ZNF37A: variants seen among roughly 807,000 people sequenced by gnomAD.
ZNF37A encodes the protein zinc finger protein 37a (KOX 21).
In ZNF37A, 10 loss-of-function variants were observed where a neutral mutation model predicts 12.3. The observed-to-expected ratio is 0.82, with a 90% CI of 0.50 to 1.38. The LOEUF is 1.38. ZNF37A is among the 40% of genes most tolerant of loss of function. The probability of loss-of-function intolerance (pLI) is 0.00; values close to 1 mark genes in which losing one functional copy is unlikely to be tolerated. For missense variants in ZNF37A, 580 were observed against 651.2 expected (o/e 0.89, Z 1.19); for synonymous variants, 207 against 223.0 (o/e 0.93, Z 0.64).
At position 38,146,813 on chromosome 10, in the gene ZNF37A, G is replaced by A. The variant is rs760145429; in HGVS notation, c.320G>A (p.Arg107Gln). Residue 107 changes from arginine to glutamine, a missense_variant, in exon 8 of 8, where the codon CGG (arginine) becomes CAG (glutamine). Transcript: ENST00000638053. ...TCGGTCGTGGAGACTCCAACCGAGC[G>A]GCACTAGAGGAATGAAGACAAAGAC... The A allele has an allele frequency of 1.7e-4, 66 of 398,236 alleles. No individual in the cohort carries two copies. In the East Asian group the frequency reaches 2.1e-3, roughly 13 times the overall value. The allele number at this position is 398,236 out of a possible 1,614,324, so 24.7% of individuals were successfully genotyped here.
chr10:38,104,700 G>A (rs1189540503), intron 5 of ZNF37A, among the ~76,000 whole-genome samples: 1 of 152,028 alleles, frequency 6.6e-6, no homozygotes, highest in African/African-American at 2.4e-5. Flanking sequence ...AGATCTGGGT[G>A]CTTATTGCTA....
Position 38,120,406 on chromosome 10 carries a change from G to C in ZNF37A, c.*1569G>C, listed in dbSNP as rs2069625040. 2 of 150,482 alleles carry C rather than the reference G, an allele frequency of 1.3e-5. No individual in the cohort carries two copies. The highest frequency in any genetic ancestry group is 4.9e-5 in the African/African-American group (2 of 40,740). 9.3% of individuals were successfully genotyped at this position (150,482 alleles called of 1,614,324 possible). ...ATCATGCCACTGCACTCCAGCCTGAGTGACAGAGAGAGATTCAAAAAACAA... is the reference window on the plus strand; with the variant it reads ...ATCATGCCACTGCACTCCAGCCTGACTGACAGAGAGAGATTCAAAAAACAA... On this transcript the variant is annotated 3_prime_UTR_variant, in exon 8 of 8. Coordinates refer to ENST00000685332, the MANE Select transcript of ZNF37A (RefSeq NM_001324250.3).
downstream of ZNF37A, among the ~76,000 whole-genome samples, chr10:38,129,304 T>TAAAAGAAAAAAAAAAAAAAAA (rs2069977748): frequency 1.8e-5 from 1 of 56,900 alleles, no homozygotes; most frequent in Non-Finnish European, 3.7e-5. Context: ...AGACTCTGTC[T>TAAAAGAAAAAAAAAAAAAAAA]AAAAAAAAAA....
At chr10:38,109,227 T>C (rs1179840413) in intron 5 of ZNF37A, among the ~76,000 whole-genome samples, 4 of 152,036 alleles carry the variant, frequency 2.6e-5, no homozygotes, top group Admixed American at 1.3e-4. Flanking sequence ...ACAGAATCAA[T>C]GACAAAAACT....
chr10:38,130,899 A>G (rs979140813), intron 7 of ZNF37A, among the ~76,000 whole-genome samples: 1 of 152,174 alleles, frequency 6.6e-6, no homozygotes, highest in Non-Finnish European at 1.5e-5. Flanking sequence ...ACATCTTACT[A>G]AGTAGAAAGG....
intron 7 of ZNF37A, chr10:38,141,282 C>T (rs528343114): frequency 4.5e-4 from 68 of 152,284 alleles, no homozygotes; most frequent in African/African-American, 1.6e-3. Flanking sequence ...AAAATAACCT[C>T]GCAGAGGAGC....
intron 5 of ZNF37A, among the ~76,000 whole-genome samples, chr10:38,109,066 T>C (rs990211094): frequency 2.6e-5 from 4 of 152,134 alleles, no homozygotes; most frequent in Non-Finnish European, 5.9e-5. Flanking sequence ...CTGATGAACA[T>C]TGACACAAAA....
intron 7 of ZNF37A, chr10:38,143,544 T>C (rs2070214206): frequency 6.6e-6 from 1 of 152,178 alleles, no homozygotes; most frequent in Non-Finnish European, 1.5e-5. Flanking sequence ...CTCTCCTGAT[T>C]GTGAAGTCTA....
Position 38,118,448 on chromosome 10 carries a change from C to A in ZNF37A, c.1297C>A (p.His433Asn). ...KSTLTKHLRT[H>N]TGEKPYECIQ... is the part of the protein sequence containing the mutation. ...AACCCTTACTAAACATCTAAGAACT[C>A]ACACAGGTGAGAAACCTTATGAATG... Residue 433 changes from histidine (H) to asparagine (N), a missense_variant, in exon 8 of 8, where the codon CAC (histidine) becomes AAC (asparagine). Transcript: ENST00000685332. The A allele has an allele frequency of 6.2e-7, 1 of 1,614,012 alleles. No individual in the cohort carries two copies. The highest frequency in any genetic ancestry group is 8.5e-7 in the Non-Finnish European group (1 of 1,179,988).
chr10:38,119,040 G>GA lies in ZNF37A; in HGVS notation c.*209dup. The stretch of plus-strand genomic sequence containing the variant: ...ACACTATGTTACAAAACTAAAAGTG[G>GA]AAAAAACTTATTGGTGAATGAATAT... On this transcript the variant is annotated 3_prime_UTR_variant, in exon 8 of 8. Coordinates refer to ENST00000685332, the MANE Select transcript of ZNF37A (RefSeq NM_001324250.3). 7.9e-7 allele frequency: 1 copy of GA among 1,258,650 alleles called. No individual in the cohort carries two copies. The allele number at this position is 1,258,650 out of a possible 1,614,324, so 78.0% of individuals were successfully genotyped here. A position where few individuals can be genotyped will look rare whatever the true frequency, so the allele number is the denominator to read the frequency against.
chr10:38,143,244 T>C (rs2070208249), intron 7 of ZNF37A: 1 of 152,202 alleles, frequency 6.6e-6, no homozygotes, highest in Admixed American at 6.6e-5. Flanking sequence ...AGCTGTATTT[T>C]AAGGTGATTG....
Position 38,121,329 on chromosome 10 carries a change from G to A in ZNF37A, c.*2492G>A, listed in dbSNP as rs2136053309. ...ATAAACTATATCATCACCAAGAGAT[G>A]TTTATTAGGGCAATCAAAAGATTTA... On this transcript the variant is annotated 3_prime_UTR_variant, in exon 8 of 8. Coordinates refer to ENST00000685332, the MANE Select transcript of ZNF37A (RefSeq NM_001324250.3). 6.6e-6 allele frequency: 1 copy of A among 152,194 alleles called. No individual in the cohort carries two copies. The highest frequency in any genetic ancestry group is 1.9e-4 in the East Asian group (1 of 5,184). 9.4% of individuals were successfully genotyped at this position (152,194 alleles called of 1,614,324 possible). A position where few individuals can be genotyped will look rare whatever the true frequency, so the allele number is the denominator to read the frequency against.
At chr10:38,112,748 T>TGTTGG (rs1173308633) in intron 5 of ZNF37A, among the ~76,000 whole-genome samples, 3 of 73,162 alleles carry the variant, frequency 4.1e-5, no homozygotes, top group Admixed American at 1.7e-4. Flanking sequence ...TTCTTTTCTT[T>TGTTGG]TCTTTTCTTT....
chr10:38,146,830 G>T (rs1188150163), exon 8 of ZNF37A: 2 of 396,616 alleles, frequency 5.0e-6, no homozygotes, highest in East Asian at 3.6e-5. Context: ...GAGGAATGAA[G>T]ACAAAGACAA....
intron 5 of ZNF37A, among the ~76,000 whole-genome samples, chr10:38,104,689 A>G (rs371125088): frequency 2.1e-4 from 32 of 152,234 alleles, no homozygotes; most frequent in African/African-American, 7.5e-4. Context: ...TTTAAAAACC[A>G]AGATCTGGGT....
At position 38,118,461 on chromosome 10, in the gene ZNF37A, A is replaced by G; in HGVS notation, c.1310A>G (p.Lys437Arg). Residue 437 changes from lysine (K) to arginine (R), a missense_variant, in exon 8 of 8, where the codon AAA becomes AGA. Lys to Arg is a conservative substitution (Grantham distance 26). Transcript: ENST00000685332. ...TKHLRTHTGE[K>R]PYECIQCGKF... ...CATCTAAGAACTCACACAGGTGAGA[A>G]ACCTTATGAATGTATTCAGTGTGGA... is the stretch of plus-strand genomic sequence containing the variant. The G allele has an allele frequency of 6.2e-7, 1 of 1,614,056 alleles. No individual in the cohort carries two copies. Among genetic ancestry groups the G allele is most frequent in the Non-Finnish European group, 8.5e-7 (1 of 1,180,002 alleles).
At chr10:38,115,355 T>C (rs1246516242) in intron 7 of ZNF37A, 65 bp downstream of exon 7, 6 of 1,558,784 alleles carry the variant, frequency 3.8e-6, no homozygotes, top group Admixed American at 2.0e-5. Context: ...GTTTGGATAA[T>C]AAGACCATTG....
Position 38,118,000 on chromosome 10 carries a change from G to T in ZNF37A, c.849G>T (p.Lys283Asn). 6.2e-7 allele frequency: 1 copy of T among 1,614,024 alleles called. No individual in the cohort carries two copies. Among genetic ancestry groups the T allele is most frequent in the Non-Finnish European group, 8.5e-7 (1 of 1,180,024 alleles). Residue 283 changes from lysine to asparagine, a missense_variant, in exon 8 of 8, where the codon AAG becomes AAT. Lys to Asn is a moderately conservative substitution (Grantham distance 94, BLOSUM62 0). Coordinates refer to ENST00000685332, the MANE Select transcript of ZNF37A (RefSeq NM_001324250.3). ...CHECGKTFTQ[K>N]SAHTRHQRTH... Reference sequence around the variant, plus strand: ...AATGTGGAAAAACCTTCACCCAGAAGTCAGCCCACACAAGACATCAGAGAA... The same window carrying T: ...AATGTGGAAAAACCTTCACCCAGAATTCAGCCCACACAAGACATCAGAGAA...
At chr10:38,144,019 G>A (rs1474323726) in intron 7 of ZNF37A, 1 of 152,276 alleles carries the variant, frequency 6.6e-6, no homozygotes, top group Non-Finnish European at 1.5e-5. Context: ...TGTGAGCAGA[G>A]ATGGGGGAAA....
Sources: gnomAD v4.1 joint callset for allele counts (sites outside exome capture counted in the v4.1 genomes callset) on GRCh38, gnomAD v4.1.1 for gene constraint, MANE v1.5 for transcripts, NCBI Gene and HGNC (gene_info 2026-07-23, HGNC 2026-07-21) for gene names.